The following APOOL variants were observed in gnomAD, a reference collection of about 807,000 sequenced individuals.
APOOL encodes the protein apolipoprotein O like.
A neutral mutation model predicts 23.1 loss-of-function variants in APOOL; 12 were observed. That is an observed-to-expected ratio of 0.52 (90% CI 0.33 to 0.84). APOOL has a LOEUF of 0.84. APOOL is among the 40% of genes least tolerant of loss of function. The pLI, the probability that APOOL is intolerant of heterozygous loss-of-function variation, is 0.02. For synonymous variants in APOOL, 77 were observed against 69.9 expected (o/e 1.10, Z -0.51); for missense variants, 212 against 199.6 (o/e 1.06, Z -0.37).
intron 5 of APOOL, among the ~76,000 whole-genome samples, chrX:85,062,475 T>G (rs1365560533): frequency 8.9e-6 from 1 of 112,006 alleles, no homozygotes; most frequent in African/African-American, 3.2e-5. Flanking sequence ...TGCCTATATT[T>G]TCTTCTAGGG....
intron 1 of APOOL, among the ~76,000 whole-genome samples, chrX:85,018,254 C>T (rs759776936): frequency 3.6e-5 from 4 of 111,990 alleles, no homozygotes; most frequent in Non-Finnish European, 7.5e-5. Context: ...ATGGTGCTGA[C>T]ATGTTTATGG....
chrX:85,065,315 G>T (rs187359191), intron 5 of APOOL, among the ~76,000 whole-genome samples: 7 of 111,566 alleles, frequency 6.3e-5, no homozygotes, highest in African/African-American at 2.3e-4. Flanking sequence ...ACACCAATGG[G>T]TCTTGTCTTT....
intron 4 of APOOL, among the ~76,000 whole-genome samples, chrX:85,055,604 G>T (rs1922933074): frequency 9.0e-6 from 1 of 111,395 alleles, no homozygotes; most frequent in Non-Finnish European, 1.9e-5. Context: ...ATTAGGAAAA[G>T]AAATATTAAA....
At position 85,088,089 on chromosome X, in the gene APOOL, AATACATATACATATTT is replaced by A; in HGVS notation, c.*421_*436del. 1.7e-3 allele frequency: 1 copy of A among 577 alleles called. No homozygotes were observed. Among genetic ancestry groups the A allele is most frequent in the Non-Finnish European group, 3.5e-3 (1 of 287 alleles). The allele number at this position is 577 out of a possible 1,213,427, so 0.0% of individuals were successfully genotyped here. On this transcript the variant is annotated 3_prime_UTR_variant, in exon 9 of 9. Coordinates refer to ENST00000373173, the MANE Select transcript of APOOL (RefSeq NM_198450.6). ...ATAAATACATATACATATATGTATA[AATACATATACATATTT>A]ATACATATATGTATAAATACATACA...
Position 85,092,290 on chromosome X carries a change from G to T in APOOL, c.*4612G>T. 1.1e-6 allele frequency: 1 copy of T among 870,957 alleles called. No individual in the cohort carries two copies. The highest frequency in any genetic ancestry group is 3.5e-5 in the East Asian group (1 of 28,936). 71.8% of individuals were successfully genotyped at this position (870,957 alleles called of 1,213,427 possible). A position where few individuals can be genotyped will look rare whatever the true frequency, so the allele number is the denominator to read the frequency against. On this transcript the variant is annotated 3_prime_UTR_variant, in exon 9 of 9. Coordinates refer to ENST00000373173, the MANE Select transcript of APOOL (RefSeq NM_198450.6). ...AGATCTGCTCAAACAAGAATGTGAT[G>T]ATCACTTGCTGTATTGTACAACAAA... is the stretch of plus-strand genomic sequence containing the variant.
rs2037250351 is a variant in APOOL, at chrX:85,087,750, T to A, written c.*72T>A. On this transcript the variant is annotated 3_prime_UTR_variant, in exon 9 of 9. Transcript: ENST00000373173. Reference sequence around the variant, plus strand: ...CGTTGCAAATAATGATGAAAATAAATCATGTAATGGGTAACTGATACATAG... The same window carrying A: ...CGTTGCAAATAATGATGAAAATAAAACATGTAATGGGTAACTGATACATAG... 1.1e-6 allele frequency: 1 copy of A among 908,480 alleles called. No homozygotes were observed. Among genetic ancestry groups the A allele is most frequent in the Non-Finnish European group, 1.5e-6 (1 of 658,577 alleles). 74.9% of individuals were successfully genotyped at this position (908,480 alleles called of 1,213,427 possible).
intron 5 of APOOL, among the ~76,000 whole-genome samples, chrX:85,057,488 T>G (rs1247595830): frequency 1.9e-5 from 2 of 105,800 alleles, no homozygotes; most frequent in Non-Finnish European, 1.9e-5. Flanking sequence ...AACATATATA[T>G]AATATAGATA....
intron 6 of APOOL, among the ~76,000 whole-genome samples, chrX:85,067,661 C>CAT (rs1187335386): frequency 9.1e-6 from 1 of 109,658 alleles, no homozygotes; most frequent in Admixed American, 9.8e-5. Flanking sequence ...CACACACACA[C>CAT]ACACACGCAC....
intron 8 of APOOL, among the ~76,000 whole-genome samples, chrX:85,086,780 A>G (rs1254051467): frequency 1.3e-5 from 1 of 79,938 alleles, no homozygotes; most frequent in Non-Finnish European, 2.4e-5. Flanking sequence ...GCTCACTGCA[A>G]GCTCCGCTTC....
rs1454864223 is a variant in APOOL at position 85,092,897 on chromosome X, T to A, written c.*5219T>A. The A allele has an allele frequency of 1.1e-4, 36 of 322,745 alleles. No individual in the cohort carries two copies. The Admixed American group carries it at 1.9e-3, about 17-fold the overall frequency. 26.6% of individuals were successfully genotyped at this position (322,745 alleles called of 1,213,427 possible). A position where few individuals can be genotyped will look rare whatever the true frequency, so the allele number is the denominator to read the frequency against. ...GTAATATTCATACTGTGAGCCTGTG[T>A]TTTTGAATAAAAATGCTTTCTAATC... On this transcript the variant is annotated 3_prime_UTR_variant, in exon 9 of 9. Transcript: ENST00000373173.
chrX:85,028,138 A>G (rs987880238), intron 1 of APOOL, among the ~76,000 whole-genome samples: 1 of 111,987 alleles, frequency 8.9e-6, no homozygotes, highest in Non-Finnish European at 1.9e-5. Flanking sequence ...GGCCAAAAAC[A>G]ACAAAAATTT....
chrX:85,043,247 TTTAAG>T (rs1163918609), intron 1 of APOOL, among the ~76,000 whole-genome samples: 2 of 111,546 alleles, frequency 1.8e-5, no homozygotes, highest in African/African-American at 3.3e-5. Flanking sequence ...TACAAATAGT[TTTAAG>T]TTAAGGTCTT....
chrX:85,064,804 C>T (rs1454675853), intron 5 of APOOL, among the ~76,000 whole-genome samples: 1 of 111,582 alleles, frequency 9.0e-6, no homozygotes, highest in Non-Finnish European at 1.9e-5. Context: ...ATTATGTGAT[C>T]AATTTTAGAG....
At chrX:85,033,882 CTT>C (rs1182810894) in intron 1 of APOOL, among the ~76,000 whole-genome samples, 3 of 111,559 alleles carry the variant, frequency 2.7e-5, no homozygotes, top group Non-Finnish European at 3.8e-5. Flanking sequence ...CTTTTATTCT[CTT>C]TTTATTATTT....
At chrX:85,028,566 A>G (rs192700979) in intron 1 of APOOL, among the ~76,000 whole-genome samples, 19 of 111,214 alleles carry the variant, frequency 1.7e-4, no homozygotes, top group Admixed American at 4.8e-4. Flanking sequence ...AAGTTCTTTT[A>G]AAATGAACAA....
intron 6 of APOOL, 63 bp downstream of exon 6, chrX:85,067,281 T>C (rs1157540595): frequency 1.3e-6 from 1 of 799,547 alleles, no homozygotes; most frequent in African/African-American, 2.0e-5. Flanking sequence ...TGTGACAATA[T>C]TTAAATGTTA....
At chrX:85,049,167 A>T (rs1922676686) in intron 2 of APOOL, among the ~76,000 whole-genome samples, 1 of 111,830 alleles carries the variant, frequency 8.9e-6, no homozygotes, top group South Asian at 3.7e-4. Flanking sequence ...TGTAATCATA[A>T]TTTCTAAATG....
At chrX:85,062,833 C>G (rs1923286053) in intron 5 of APOOL, among the ~76,000 whole-genome samples, 1 of 111,167 alleles carries the variant, frequency 9.0e-6, no homozygotes, top group Non-Finnish European at 1.9e-5. Context: ...TTAGGGTTGT[C>G]CTGGCTATAT....
chrX:85,016,196 G>C, intron 1 of APOOL, among the ~76,000 whole-genome samples: 1 of 107,472 alleles, frequency 9.3e-6, no homozygotes, highest in Non-Finnish European at 1.9e-5. Context: ...TTGTGGCTAA[G>C]ATAGGGTTGG....
Sources: gnomAD v4.1 joint callset for allele counts (sites outside exome capture counted in the v4.1 genomes callset) on GRCh38, gnomAD v4.1.1 for gene constraint, MANE v1.5 for transcripts, NCBI Gene and HGNC (gene_info 2026-07-23, HGNC 2026-07-21) for gene names.